The following GALNTL6 variants were observed in gnomAD, a reference collection of about 807,000 sequenced individuals.
GALNTL6 encodes polypeptide N-acetylgalactosaminyltransferase-like 6.
In GALNTL6, 46 loss-of-function variants were observed where a neutral mutation model predicts 73.7. That is an observed-to-expected ratio of 0.62 (90% CI 0.49 to 0.80). The LOEUF (loss-of-function observed/expected upper bound fraction) is 0.80. Among genes scored for constraint, GALNTL6 ranks in the 30% least tolerant of loss-of-function variants. The probability of loss-of-function intolerance (pLI) is 0.00; values close to 1 mark genes in which losing one functional copy is unlikely to be tolerated. For missense variants in GALNTL6, 604 were observed against 755.0 expected, an observed-to-expected ratio of 0.80 and a Z score of 2.34; for synonymous variants, 259 against 263.7, an observed-to-expected ratio of 0.98 and a Z score of 0.17.
intron 2 of GALNTL6, among the ~76,000 whole-genome samples, chr4:171,923,023 A>G (rs1737841484): frequency 6.6e-6 from 1 of 152,154 alleles, no homozygotes; most frequent in Non-Finnish European, 1.5e-5. Context: ...TCTAAGACCA[A>G]AAAGCATAAA....
intron 5 of GALNTL6, among the ~76,000 whole-genome samples, chr4:172,386,594 G>A (rs141232747): frequency 6.6e-6 from 1 of 152,234 alleles, no homozygotes; most frequent in Non-Finnish European, 1.5e-5. Flanking sequence ...CTGCAAGCTG[G>A]AGAACCAGAG....
intron 3 of GALNTL6, among the ~76,000 whole-genome samples, chr4:172,248,762 T>C (rs1215353674): frequency 1.3e-5 from 2 of 152,142 alleles, no homozygotes; most frequent in Non-Finnish European, 2.9e-5. Context: ...TCTGATGGTT[T>C]TATAAGGTGC....
chr4:171,878,403 T>C (rs1227337619), intron 2 of GALNTL6, among the ~76,000 whole-genome samples: 1 of 152,198 alleles, frequency 6.6e-6, no homozygotes, highest in Non-Finnish European at 1.5e-5. Context: ...TACAGAACTT[T>C]AAAATCAGTT....
intron 3 of GALNTL6, among the ~76,000 whole-genome samples, chr4:172,299,909 T>G (rs1368758257): frequency 1.3e-5 from 2 of 152,204 alleles, no homozygotes; most frequent in African/African-American, 4.8e-5. Flanking sequence ...CTGAATTGAA[T>G]TCCTGGATAT....
chr4:172,050,811 C>A (rs1211120246), intron 2 of GALNTL6, among the ~76,000 whole-genome samples: 1 of 152,076 alleles, frequency 6.6e-6, no homozygotes, highest in Non-Finnish European at 1.5e-5. Context: ...GGCCTACAGG[C>A]CAAGAGGGGT....
intron 2 of GALNTL6, among the ~76,000 whole-genome samples, chr4:172,217,736 C>T (rs1018575045): frequency 6.6e-6 from 1 of 152,114 alleles, no homozygotes; most frequent in African/African-American, 2.4e-5. Context: ...CCACTCATTG[C>T]AAAATTTTGT....
At chr4:172,389,259 T>C (rs961934378) in intron 5 of GALNTL6, among the ~76,000 whole-genome samples, 1 of 151,948 alleles carries the variant, frequency 6.6e-6, no homozygotes, top group East Asian at 1.9e-4. Flanking sequence ...TTATTAACTA[T>C]GTCTAATTCA....
chr4:172,931,916 A>G (rs1579671275), intron 9 of GALNTL6, among the ~76,000 whole-genome samples: 1 of 152,182 alleles, frequency 6.6e-6, no homozygotes, highest in African/African-American at 2.4e-5. Context: ...CGGACTCACA[A>G]TACCATCTCC....
chr4:172,128,330 C>T (rs189769669), intron 2 of GALNTL6, among the ~76,000 whole-genome samples: 3 of 152,240 alleles, frequency 2.0e-5, no homozygotes, highest in East Asian at 3.9e-4. Context: ...GAGTTTTGAG[C>T]TGACTATGCC....
At chr4:172,490,613 C>G (rs1733863430) in intron 5 of GALNTL6, among the ~76,000 whole-genome samples, 1 of 152,096 alleles carries the variant, frequency 6.6e-6, no homozygotes, top group Non-Finnish European at 1.5e-5. Context: ...TATATAATAA[C>G]TACAAAATAA....
At chr4:173,001,300 C>T (rs2126476849) in intron 10 of GALNTL6, among the ~76,000 whole-genome samples, 1 of 152,262 alleles carries the variant, frequency 6.6e-6, no homozygotes, top group Admixed American at 6.5e-5. Flanking sequence ...CCTTCGGAAG[C>T]CATTTCAAAC....
At chr4:172,264,555 A>AAAAT (rs1177859164) in intron 3 of GALNTL6, among the ~76,000 whole-genome samples, 1 of 103,778 alleles carries the variant, frequency 9.6e-6, no homozygotes, top group Admixed American at 1.1e-4. Flanking sequence ...ATATATGCCA[A>AAAAT]ATATATATAT....
At chr4:171,915,733 A>T (rs1737598725) in intron 2 of GALNTL6, among the ~76,000 whole-genome samples, 1 of 152,194 alleles carries the variant, frequency 6.6e-6, no homozygotes, top group African/African-American at 2.4e-5. Flanking sequence ...TGTCAAAAAA[A>T]GTAACAAGTA....
intron 5 of GALNTL6, among the ~76,000 whole-genome samples, chr4:172,633,359 A>T (rs991404795): frequency 6.6e-6 from 1 of 152,230 alleles, no homozygotes; most frequent in Non-Finnish European, 1.5e-5. Flanking sequence ...TGGATGTAAG[A>T]CATGGAGTCA....
At chr4:171,999,238 G>C (rs1740595846) in intron 2 of GALNTL6, among the ~76,000 whole-genome samples, 1 of 152,164 alleles carries the variant, frequency 6.6e-6, no homozygotes, top group African/African-American at 2.4e-5. Flanking sequence ...CAGTGGTGGA[G>C]AGGTGGACTA....
At chr4:171,903,809 A>T (rs1737186275) in intron 2 of GALNTL6, among the ~76,000 whole-genome samples, 1 of 152,072 alleles carries the variant, frequency 6.6e-6, no homozygotes, top group Non-Finnish European at 1.5e-5. Flanking sequence ...GAACGGGCAG[A>T]CTGCCTCCTC....
intron 5 of GALNTL6, among the ~76,000 whole-genome samples, chr4:172,398,778 A>T (rs1198948003): frequency 1.3e-5 from 2 of 152,304 alleles, no homozygotes; most frequent in East Asian, 1.9e-4. Flanking sequence ...AAATCGAATT[A>T]TGTTAATTTG....
At chr4:172,423,820 T>C (rs936077897) in intron 5 of GALNTL6, among the ~76,000 whole-genome samples, 1 of 152,060 alleles carries the variant, frequency 6.6e-6, no homozygotes, top group African/African-American at 2.4e-5. Context: ...AATGAATGAA[T>C]TAGGTACAGT....
intron 2 of GALNTL6, among the ~76,000 whole-genome samples, chr4:171,836,999 T>A (rs1284927340): frequency 1.3e-5 from 2 of 152,120 alleles, no homozygotes; most frequent in Non-Finnish European, 2.9e-5. Flanking sequence ...TGTGTGCATA[T>A]AAATACTTAA....
Sources: gnomAD v4.1 joint callset for allele counts (sites outside exome capture counted in the v4.1 genomes callset) on GRCh38, gnomAD v4.1.1 for gene constraint, MANE v1.5 for transcripts, NCBI Gene and HGNC (gene_info 2026-07-23, HGNC 2026-07-21) for gene names.